HPSE2: variants seen among roughly 807,000 people sequenced by gnomAD.
HPSE2 encodes the protein heparanase 2 (inactive), also known as inactive heparanase-2.
In HPSE2, 38 loss-of-function variants were observed where a neutral mutation model predicts 60.5. That is an observed-to-expected ratio of 0.63 (90% CI 0.48 to 0.82). The LOEUF (loss-of-function observed/expected upper bound fraction) is 0.82, where lower values mean the gene tolerates loss of function less well. Among genes scored for constraint, HPSE2 ranks in the 40% least tolerant of loss-of-function variants. The pLI, the probability that HPSE2 is intolerant of heterozygous loss-of-function variation, is 0.00. For synonymous variants in HPSE2, 295 were observed against 293.2 expected, an observed-to-expected ratio of 1.01 and a Z score of -0.06; for missense variants, 713 against 740.4, an observed-to-expected ratio of 0.96 and a Z score of 0.43.
chr10:98,980,255 A>G (rs935289764), intron 3 of HPSE2, among the ~76,000 whole-genome samples: 3 of 152,222 alleles, frequency 2.0e-5, no homozygotes, highest in Non-Finnish European at 2.9e-5. Flanking sequence ...AATTATGTTA[A>G]TCTTTTAGTA....
At chr10:98,947,428 G>C (rs1955219962) in intron 3 of HPSE2, among the ~76,000 whole-genome samples, 2 of 152,146 alleles carry the variant, frequency 1.3e-5, no homozygotes, top group African/African-American at 2.4e-5. Context: ...AGGATGGTTT[G>C]ATAATTTCAG....
intron 3 of HPSE2, among the ~76,000 whole-genome samples, chr10:98,971,586 C>A (rs942370259): frequency 6.6e-6 from 1 of 152,064 alleles, no homozygotes; most frequent in African/African-American, 2.4e-5. Flanking sequence ...CCGTTTATTT[C>A]ACAATGTTAT....
chr10:98,459,031 A>C lies in HPSE2; in HGVS notation c.*543T>G. ...ATACAAACAGCTCTCCCAGCAGGCCAGGGCTGACACACCCATTACTCCCCT... is the reference window on the plus strand; with the variant it reads ...ATACAAACAGCTCTCCCAGCAGGCCCGGGCTGACACACCCATTACTCCCCT... On this transcript the variant is annotated 3_prime_UTR_variant, in exon 12 of 12. Transcript: ENST00000370552. The C allele has an allele frequency of 5.6e-6, 1 of 177,180 alleles. No individual in the cohort carries two copies. The highest frequency in any genetic ancestry group is 5.5e-5 in the Admixed American group (1 of 18,076). 11.0% of individuals were successfully genotyped at this position (177,180 alleles called of 1,614,324 possible). A position where few individuals can be genotyped will look rare whatever the true frequency, so the allele number is the denominator to read the frequency against.
rs140139802 is a variant in HPSE2 at position 98,734,888 on chromosome 10, TAC to T, written c.784+8993_784+8994del. On this transcript the variant is annotated intron_variant, in intron 4 of 11. Transcript: ENST00000370552. Reference sequence around the variant, plus strand: ...AAGAGTACCCATATAATTTGTCCCTTACACACACACACACACACACACAAACA... The same window carrying T: ...AAGAGTACCCATATAATTTGTCCCTTACACACACACACACACACACAAACA... 2.5e-3 allele frequency among the ~76,000 whole-genome samples: 377 copies of T among 148,318 alleles called. 2 individuals carry two copies. The highest frequency in any genetic ancestry group is 8.3e-3 in the African/African-American group (336 of 40,300).
At chr10:98,837,719 A>AC (rs1366433944) in intron 3 of HPSE2, among the ~76,000 whole-genome samples, 1 of 151,958 alleles carries the variant, frequency 6.6e-6, no homozygotes, top group African/African-American at 2.4e-5. Flanking sequence ...CTAAAAATAA[A>AC]AAAAATTAGC....
At chr10:98,544,248 T>G (rs1217274695) in intron 9 of HPSE2, among the ~76,000 whole-genome samples, 2 of 152,074 alleles carry the variant, frequency 1.3e-5, no homozygotes, top group Non-Finnish European at 2.9e-5. Flanking sequence ...CATAATGAAA[T>G]GAAGGCAGAA....
In HPSE2 at chr10:98,677,744, T is replaced by C. The variant is rs537845411; in HGVS notation, c.1004+16156A>G. The stretch of plus-strand genomic sequence containing the variant: ...TATACAAGAGATAGATAATCTATGC[T>C]AGAGACAGATAACCTCTAAAAATAG... On this transcript the variant is annotated intron_variant, in intron 6 of 11. Coordinates refer to ENST00000370552, the MANE Select transcript of HPSE2 (RefSeq NM_021828.5). Among the ~76,000 whole-genome samples the C allele has an allele frequency of 1.4e-3, 213 of 152,320 alleles. 3 individuals are homozygous for C. The highest frequency in any genetic ancestry group is 4.9e-3 in the African/African-American group (203 of 41,582).
At position 99,235,728 on chromosome 10, in the gene HPSE2, C is replaced by T. The variant is rs1290580574; in HGVS notation, c.75G>A (p.Gly25=). The stretch of plus-strand genomic sequence containing the variant: ...GGAGCAACAGAGCCAAGTAGAGAGC[C>T]CCCGGGGCTAGGCACGCGGGGGGGC... ...NSRPPACLAP[G]ALYLALLLHL... Residue 25 remains glycine, a synonymous_variant, in exon 1 of 12, where the codon GGG becomes GGA. Coordinates refer to ENST00000370552, the MANE Select transcript of HPSE2 (RefSeq NM_021828.5). 6.2e-7 allele frequency: 1 copy of T among 1,613,870 alleles called. No individual in the cohort carries two copies. Among genetic ancestry groups the T allele is most frequent in the African/African-American group, 1.3e-5 (1 of 74,898 alleles).
At chr10:98,907,872 C>T (rs1953867496) in intron 3 of HPSE2, among the ~76,000 whole-genome samples, 1 of 152,184 alleles carries the variant, frequency 6.6e-6, no homozygotes, top group Non-Finnish European at 1.5e-5. Flanking sequence ...TTTCCTTTCA[C>T]TTCCTGTATC....
intron 9 of HPSE2, among the ~76,000 whole-genome samples, chr10:98,518,432 G>A (rs1325486346): frequency 2.6e-5 from 4 of 152,176 alleles, no homozygotes; most frequent in Non-Finnish European, 5.9e-5. Context: ...TGGGCCAGGT[G>A]TGGTGGCTCA....
chr10:98,982,089 T>C (rs1956220870), intron 3 of HPSE2, among the ~76,000 whole-genome samples: 1 of 152,086 alleles, frequency 6.6e-6, no homozygotes, highest in Non-Finnish European at 1.5e-5. Flanking sequence ...TCAACATACA[T>C]TTTTAAATAA....
chr10:99,044,113 C>T (rs1957802584), intron 3 of HPSE2, among the ~76,000 whole-genome samples: 2 of 152,112 alleles, frequency 1.3e-5, no homozygotes. Context: ...AGAGAAGAGT[C>T]AAGTCACTTA....
chr10:99,262,813 A>G, the HPSE2 span, among the ~76,000 whole-genome samples: 1 of 151,784 alleles, frequency 6.6e-6, no homozygotes, highest in Non-Finnish European at 1.5e-5. Context: ...TCCCTCCACA[A>G]CCCATTATGC....
intron 2 of HPSE2, among the ~76,000 whole-genome samples, chr10:99,206,876 T>C (rs1286461184): frequency 1.3e-5 from 2 of 151,716 alleles, no homozygotes; most frequent in African/African-American, 2.4e-5. Context: ...AGGAGAAAAG[T>C]GTAAAGGAAT....
At chr10:99,085,606 A>G (rs941826865) in intron 3 of HPSE2, among the ~76,000 whole-genome samples, 3 of 152,156 alleles carry the variant, frequency 2.0e-5, no homozygotes, top group Non-Finnish European at 4.4e-5. Flanking sequence ...AAGGAATCAT[A>G]TTTATTAAAA....
At chr10:98,972,457 C>T (rs763052268) in intron 3 of HPSE2, among the ~76,000 whole-genome samples, 2 of 152,016 alleles carry the variant, frequency 1.3e-5, no homozygotes, top group Non-Finnish European at 2.9e-5. Context: ...AGACATTTCT[C>T]GAGCCCTTAG....
chr10:99,229,173 G>A lies in HPSE2; in HGVS notation c.448+3175C>T, dbSNP rs1363748958. 1.4e-3 allele frequency among the ~76,000 whole-genome samples: 190 copies of A among 137,224 alleles called. 5 individuals are homozygous for A. Among genetic ancestry groups the A allele is most frequent in the African/African-American group, 2.1e-3 (73 of 35,262 alleles). 90.0% of individuals were successfully genotyped at this position (137,224 alleles called of 152,430 possible). ...TGGGCAAAAGAGGAGACTCCATATC[G>A]AAAAAAAAAAAAAAACTTATCAGGG... On this transcript the variant is annotated intron_variant, in intron 2 of 11. Coordinates refer to ENST00000370552, the MANE Select transcript of HPSE2 (RefSeq NM_021828.5).
At chr10:98,923,280 C>T (rs990423439) in intron 3 of HPSE2, among the ~76,000 whole-genome samples, 1 of 152,180 alleles carries the variant, frequency 6.6e-6, no homozygotes, top group Admixed American at 6.5e-5. Context: ...ATTGGAGCTC[C>T]ACTGTGTGTT....
At chr10:98,482,070 G>A (rs902447957) in intron 11 of HPSE2, among the ~76,000 whole-genome samples, 2 of 152,174 alleles carry the variant, frequency 1.3e-5, no homozygotes, top group Non-Finnish European at 1.5e-5. Flanking sequence ...TTCAGATGAA[G>A]AAGCTGAGAT....
Sources: allele counts gnomAD v4.1 joint callset (sites outside exome capture counted in the v4.1 genomes callset), GRCh38; gene constraint gnomAD v4.1.1; transcripts MANE v1.5; gene names NCBI Gene and HGNC (gene_info 2026-07-23, HGNC 2026-07-21).